Variants in RLF observed in about 807,000 individuals in gnomAD.
RLF encodes the protein zinc finger protein Rlf.
Under a neutral mutation model 162.9 loss-of-function variants are expected in RLF, and 7 were observed. The observed-to-expected ratio is 0.04, with a 90% confidence interval of 0.02 to 0.08. The LOEUF is 0.08. RLF is among the 10% of genes least tolerant of loss of function. The pLI, the probability that RLF is intolerant of heterozygous loss-of-function variation, is 1.00. For missense variants in RLF, 1,664 were observed against 2,244.7 expected (o/e 0.74, Z 5.23); for synonymous variants, 782 against 791.5 (o/e 0.99, Z 0.20).
At chr1:40,189,348 A>G in intron 2 of RLF, 139 bp downstream of exon 2, 3 of 652,612 alleles carry the variant, frequency 4.6e-6, no homozygotes, top group Non-Finnish European at 7.5e-6. Flanking sequence ...TTTCCTTCCT[A>G]CTCACGTTCC....
chr1:40,195,858 AT>A, intron 4 of RLF, 94 bp downstream of exon 4: 1 of 1,091,320 alleles, frequency 9.2e-7, no homozygotes, highest in Non-Finnish European at 1.3e-6. Flanking sequence ...TTGTGTATAT[AT>A]CTAGTCTTTC....
intron 1 of RLF, among the ~76,000 whole-genome samples, chr1:40,164,109 C>T (rs925255723): frequency 6.6e-6 from 1 of 152,084 alleles, no homozygotes; most frequent in Admixed American, 6.5e-5. Context: ...TTCTCGGACT[C>T]TAGGAGAGGA....
At chr1:40,205,209 T>G (rs1642773801) in intron 5 of RLF, among the ~76,000 whole-genome samples, 1 of 152,098 alleles carries the variant, frequency 6.6e-6, no homozygotes, top group African/African-American at 2.4e-5. Flanking sequence ...ATCCCAGCAC[T>G]TAGGGAGGCC....
At position 40,199,447 on chromosome 1, in the gene RLF, G is replaced by T. The variant is rs117491102; in HGVS notation, c.608-2965G>T. ...TTCTTTAATTTGTTCATCCATGTGA[G>T]ATGGGTATAACCTTTTTACAGATGA... is the stretch of plus-strand genomic sequence containing the variant. On this transcript the variant is annotated intron_variant, in intron 4 of 7. Coordinates refer to ENST00000372771, the MANE Select transcript of RLF (RefSeq NM_012421.4). Among the ~76,000 whole-genome samples, 71 of 152,314 alleles carry T rather than the reference G, an allele frequency of 4.7e-4. No homozygotes were observed. The East Asian group carries it at 0.013, about 28-fold the overall frequency.
At chr1:40,202,957 G>A (rs888644325) in intron 5 of RLF, among the ~76,000 whole-genome samples, 8 of 151,764 alleles carry the variant, frequency 5.3e-5, no homozygotes, top group African/African-American at 1.9e-4. Flanking sequence ...TGGCATCAAG[G>A]GATAAACTAA....
At chr1:40,180,408 G>A (rs1309209491) in intron 1 of RLF, among the ~76,000 whole-genome samples, 1 of 151,954 alleles carries the variant, frequency 6.6e-6, no homozygotes, top group Non-Finnish European at 1.5e-5. Context: ...ATAGGCGCCC[G>A]CCACCACGCC....
At chr1:40,204,519 A>AC (rs1232178051) in intron 5 of RLF, among the ~76,000 whole-genome samples, 1 of 151,798 alleles carries the variant, frequency 6.6e-6, no homozygotes, top group Non-Finnish European at 1.5e-5. Context: ...TGATCTTCCC[A>AC]CCTCAGCCCC....
At position 40,161,640 on chromosome 1, in the gene RLF, AG is replaced by A. The variant is rs1173979573; in HGVS notation, c.237+8del. ...CTACTGCCGGAGCTTCTGCCAGGTG[AG>A]GGGCTGACTGGCTGGCTGAGGGCGG... is the stretch of plus-strand genomic sequence containing the variant. On this transcript the variant is annotated splice_donor_5th_base_variant and intron_variant, in intron 1 of 7. Coordinates refer to ENST00000372771, the MANE Select transcript of RLF (RefSeq NM_012421.4). This position sits in a 1 kb window ranked among gnomAD's most constrained non-coding sequence, Gnocchi z 4.4. 7.5e-6 allele frequency: 12 copies of A among 1,609,180 alleles called. No homozygotes were observed. Among genetic ancestry groups the A allele is most frequent in the Non-Finnish European group, 1.0e-5 (12 of 1,178,236 alleles).
intron 5 of RLF, among the ~76,000 whole-genome samples, chr1:40,205,118 C>T (rs1219948076): frequency 6.6e-6 from 1 of 152,178 alleles, no homozygotes; most frequent in East Asian, 1.9e-4. Context: ...TATAACCACC[C>T]CATTGGCATT....
intron 1 of RLF, among the ~76,000 whole-genome samples, chr1:40,187,345 G>C (rs1198954461): frequency 1.3e-5 from 2 of 152,066 alleles, no homozygotes; most frequent in Admixed American, 6.6e-5. Context: ...TAATAAATTA[G>C]GTGAAATCTT....
chr1:40,183,608 T>C (rs1023309490), intron 1 of RLF, among the ~76,000 whole-genome samples: 14 of 152,112 alleles, frequency 9.2e-5, no homozygotes, highest in African/African-American at 3.4e-4. Context: ...AATAGTTGAA[T>C]TGTGAAAAGG....
chr1:40,184,033 GC>G (rs1162964492), intron 1 of RLF, among the ~76,000 whole-genome samples: 1 of 152,180 alleles, frequency 6.6e-6, no homozygotes, highest in African/African-American at 2.4e-5. Flanking sequence ...TAGTCAGAAT[GC>G]TGCCAAGCTC....
At chr1:40,186,649 T>G (rs1642485195) in intron 1 of RLF, among the ~76,000 whole-genome samples, 1 of 152,190 alleles carries the variant, frequency 6.6e-6, no homozygotes, top group Non-Finnish European at 1.5e-5. Context: ...GCATGTGTGG[T>G]TTCAGCCATC....
At chr1:40,165,795 C>T (rs894390698) in intron 1 of RLF, among the ~76,000 whole-genome samples, 1 of 152,072 alleles carries the variant, frequency 6.6e-6, no homozygotes, top group South Asian at 2.1e-4. Flanking sequence ...CCCCCTCCGC[C>T]AAAGGAAAGA....
At chr1:40,171,480 T>C (rs957596611) in intron 1 of RLF, among the ~76,000 whole-genome samples, 5 of 152,230 alleles carry the variant, frequency 3.3e-5, no homozygotes, top group Non-Finnish European at 7.3e-5. Context: ...TTTTATGATA[T>C]ATAATTTTAT....
chr1:40,212,618 C>A (rs1270432093), intron 5 of RLF, among the ~76,000 whole-genome samples: 1 of 152,162 alleles, frequency 6.6e-6, no homozygotes, highest in African/African-American at 2.4e-5. Flanking sequence ...CAGCAGAGTT[C>A]TTGGCGCAGT....
intron 4 of RLF, among the ~76,000 whole-genome samples, chr1:40,198,579 G>A (rs982068199): frequency 5.9e-5 from 9 of 152,300 alleles, no homozygotes; most frequent in African/African-American, 2.2e-4. Context: ...GGGATTACAG[G>A]CGTGCACCAC....
intron 1 of RLF, among the ~76,000 whole-genome samples, chr1:40,168,139 C>T (rs761765873): frequency 2.0e-5 from 3 of 152,068 alleles, no homozygotes; most frequent in Non-Finnish European, 4.4e-5. Context: ...CACTTGCGCT[C>T]AGGAGGTTGA....
rs1465966475 is a variant in RLF at position 40,235,982 on chromosome 1, A to G, written c.1280A>G (p.Asn427Ser). The G allele has an allele frequency of 1.2e-6, 2 of 1,613,542 alleles. No homozygotes were observed. The highest frequency in any genetic ancestry group is 1.3e-5 in the African/African-American group (1 of 74,866). ...FLIEPSLDGF[N>S]MLEELYLQPD... Reference sequence around the variant, plus strand: ...ATTGAACCCAGTTTGGATGGATTTAATATGTTAGAAGAACTATATTTGCAA... The same window carrying G: ...ATTGAACCCAGTTTGGATGGATTTAGTATGTTAGAAGAACTATATTTGCAA... The change falls in exon 8 of 8, where the codon AAT (asparagine) becomes AGT (serine). Residue 427 changes from asparagine to serine, a missense_variant. Transcript: ENST00000372771.
Sources: allele counts gnomAD v4.1 joint callset (sites outside exome capture counted in the v4.1 genomes callset), GRCh38; gene constraint gnomAD v4.1.1; non-coding constraint Gnocchi (gnomAD v3.1); transcripts MANE v1.5; gene names NCBI Gene and HGNC (gene_info 2026-07-23, HGNC 2026-07-21).